AGAP1: variants seen among roughly 807,000 people sequenced by gnomAD.
AGAP1 encodes arf-GAP with GTPase, ANK repeat and PH domain-containing protein 1.
AGAP1 carries 29 observed loss-of-function variants against 105.3 expected under a neutral mutation model. The observed-to-expected ratio is 0.28, with a 90% CI of 0.21 to 0.38. The LOEUF (loss-of-function observed/expected upper bound fraction) is 0.38, where lower values mean the gene tolerates loss of function less well. Ranked by LOEUF, AGAP1 falls within the 10% of genes least tolerant of loss-of-function variation. The pLI is 1.00. For synonymous variants in AGAP1, 509 were observed against 485.9 expected (o/e 1.05, Z -0.63); for missense variants, 998 against 1,165.1 (o/e 0.86, Z 2.09).
intron 16 of AGAP1, among the ~76,000 whole-genome samples, chr2:236,065,173 A>C (rs1234210020): frequency 6.6e-6 from 1 of 152,214 alleles, no homozygotes; most frequent in African/African-American, 2.4e-5. Context: ...TCTGGGTTTC[A>C]ACACAGCATT....
In AGAP1 at chr2:235,788,372, C is replaced by G. The variant is rs1302947099; in HGVS notation, c.674-9387C>G. The stretch of plus-strand genomic sequence containing the variant: ...CACCAAAAGGATAAACAGCTAGGAG[C>G]CCACTAGTAAGCCAGGATGGTGTGG... On this transcript the variant is annotated intron_variant, in intron 6 of 17. Coordinates refer to ENST00000304032, the MANE Select transcript of AGAP1 (RefSeq NM_001037131.3). The surrounding 1 kb of genome is among the most constrained non-coding windows in gnomAD (Gnocchi z 6.0). Among the ~76,000 whole-genome samples, 1 of 152,030 alleles carries G rather than the reference C, an allele frequency of 6.6e-6. No homozygotes were observed. Among genetic ancestry groups the G allele is most frequent in the Non-Finnish European group, 1.5e-5 (1 of 68,010 alleles).
rs144603082 is a variant in AGAP1 at position 235,498,608 on chromosome 2, G to C, written c.163+3759G>C. ...CTGCCTTTCTTGTTCAATAAAGCTT[G>C]TTCTTCTTTCAAGGATAAAGCCTCT... On this transcript the variant is annotated intron_variant, in intron 1 of 17. Coordinates refer to ENST00000304032, the MANE Select transcript of AGAP1 (RefSeq NM_001037131.3). Among the ~76,000 whole-genome samples the C allele has an allele frequency of 5.1e-3, 779 of 152,326 alleles. 6 individuals carry two copies. The highest frequency in any genetic ancestry group is 0.017 in the African/African-American group (722 of 41,572).
At chr2:236,098,881 C>T (rs1429054220) in intron 16 of AGAP1, among the ~76,000 whole-genome samples, 10 of 151,400 alleles carry the variant, frequency 6.6e-5, no homozygotes, top group Admixed American at 1.3e-4. Context: ...TCTTAGCCTC[C>T]CCAAGTGCTG....
rs545929707 is a variant in AGAP1 at position 236,021,981 on chromosome 2, C to T, written c.1646-14580C>T. ...GGCTGAGGTGGGAGAAGCGCTTGAG[C>T]CCAGGAGGTGGAGGTTGCAGTGAGC... On this transcript the variant is annotated intron_variant, in intron 13 of 17. Coordinates refer to ENST00000304032, the MANE Select transcript of AGAP1 (RefSeq NM_001037131.3). Among the ~76,000 whole-genome samples the T allele has an allele frequency of 6.7e-5, 10 of 149,690 alleles. No homozygotes were observed. The South Asian group carries it at 1.9e-3, about 29-fold the overall frequency.
At chr2:235,808,261 G>C (rs1232836137) in intron 9 of AGAP1, among the ~76,000 whole-genome samples, 18 of 152,214 alleles carry the variant, frequency 1.2e-4, no homozygotes, top group Admixed American at 1.2e-3. Context: ...TGTGACCGGT[G>C]TGCACCTCCG....
At chr2:235,594,566 G>C (rs1432691057) in intron 1 of AGAP1, among the ~76,000 whole-genome samples, 1 of 151,942 alleles carries the variant, frequency 6.6e-6, no homozygotes, top group African/African-American at 2.4e-5. Flanking sequence ...AATATGATGC[G>C]GAGTTTTCCA....
At position 235,808,425 on chromosome 2, in the gene AGAP1, T is replaced by C. The variant is rs539444714; in HGVS notation, c.1050+1094T>C. ...ATTCTGGTGGTGCAGGTTTCGTCCA[T>C]TTGAAGCAAATAGGAACGCAGCCTT... is the stretch of plus-strand genomic sequence containing the variant. On this transcript the variant is annotated intron_variant, in intron 9 of 17. Transcript: ENST00000304032. Among the ~76,000 whole-genome samples the C allele has an allele frequency of 3.3e-5, 5 of 152,302 alleles. No homozygotes were observed. In the East Asian group the frequency reaches 9.7e-4, roughly 29 times the overall value.
intron 1 of AGAP1, among the ~76,000 whole-genome samples, chr2:235,528,338 G>A (rs1444126947): frequency 6.6e-6 from 1 of 151,616 alleles, no homozygotes; most frequent in Non-Finnish European, 1.5e-5. Context: ...CACCATCTGT[G>A]CACTCAGGCC....
intron 11 of AGAP1, among the ~76,000 whole-genome samples, chr2:235,921,066 CAGAA>C (rs1159200568): frequency 6.6e-6 from 1 of 152,112 alleles, no homozygotes; most frequent in African/African-American, 2.4e-5. Flanking sequence ...TATCATGAAT[CAGAA>C]AGATATATTA....
At chr2:235,884,568 G>A (rs1442097731) in intron 10 of AGAP1, among the ~76,000 whole-genome samples, 8 of 148,888 alleles carry the variant, frequency 5.4e-5, no homozygotes, top group Non-Finnish European at 1.2e-4. Flanking sequence ...CTCCTGCCTT[G>A]GCCTCCCAAA....
At chr2:235,839,854 T>C (rs1167175388) in intron 9 of AGAP1, among the ~76,000 whole-genome samples, 1 of 152,218 alleles carries the variant, frequency 6.6e-6, no homozygotes, top group African/African-American at 2.4e-5. Context: ...GACATTTTGG[T>C]AGCCTGATTT....
chr2:235,937,853 G>A (rs2053065733), intron 12 of AGAP1, among the ~76,000 whole-genome samples: 1 of 152,258 alleles, frequency 6.6e-6, no homozygotes, highest in African/African-American at 2.4e-5. Context: ...ACAGCCAAGA[G>A]TTATTCAGCC....
At chr2:235,707,964 A>G (rs1043900092) in intron 1 of AGAP1, among the ~76,000 whole-genome samples, 2 of 151,666 alleles carry the variant, frequency 1.3e-5, no homozygotes, top group Admixed American at 6.6e-5. Context: ...CGTGCTCCCC[A>G]TCGTGTGACC....
At chr2:235,834,149 G>A (rs1230897116) in intron 9 of AGAP1, among the ~76,000 whole-genome samples, 1 of 152,166 alleles carries the variant, frequency 6.6e-6, no homozygotes, top group Non-Finnish European at 1.5e-5. Flanking sequence ...TTCTCAGCGT[G>A]ATCACCGTGG....
rs577640814 is a variant in AGAP1, at chr2:235,705,047, C to T, written c.164-4132C>T. 2.3e-5 allele frequency among the ~76,000 whole-genome samples: 3 copies of T among 133,254 alleles called. No homozygotes were observed. Among genetic ancestry groups the T allele is most frequent in the African/African-American group, 5.7e-5 (2 of 35,076 alleles). 87.4% of individuals were successfully genotyped at this position (133,254 alleles called of 152,430 possible). A position where few individuals can be genotyped will look rare whatever the true frequency, so the allele number is the denominator to read the frequency against. On this transcript the variant is annotated intron_variant, in intron 1 of 17. Coordinates refer to ENST00000304032, the MANE Select transcript of AGAP1 (RefSeq NM_001037131.3). The surrounding 1 kb of genome is among the most constrained non-coding windows in gnomAD (Gnocchi z 4.9). ...AGGCTGGAGTGCAATGGTGGGATCT[C>T]GGCTCGCTGCAACCTCTACCTCCCG...
At chr2:235,772,313 G>A (rs983997330) in intron 6 of AGAP1, among the ~76,000 whole-genome samples, 3 of 152,052 alleles carry the variant, frequency 2.0e-5, no homozygotes, top group Non-Finnish European at 2.9e-5. Flanking sequence ...TTATAATCCC[G>A]CTAATGACAA....
chr2:236,033,700 C>T (rs928645668), intron 13 of AGAP1, among the ~76,000 whole-genome samples: 5 of 152,228 alleles, frequency 3.3e-5, no homozygotes, highest in South Asian at 4.1e-4. Context: ...GTGCCTAGCA[C>T]GTTGGGGAGG....
rs900302572 is a variant in AGAP1 at position 236,101,946 on chromosome 2, T to G, written c.2115-18246T>G. Among the ~76,000 whole-genome samples, 10 of 152,210 alleles carry G rather than the reference T, an allele frequency of 6.6e-5. No individual in the cohort carries two copies. The highest frequency in any genetic ancestry group is 2.4e-4 in the African/African-American group (10 of 41,468). ...TAGCTATGTTTCTGTGCAAACATACTCACACACAGTTTCCAAATGAAGTCA... is the reference window on the plus strand; with the variant it reads ...TAGCTATGTTTCTGTGCAAACATACGCACACACAGTTTCCAAATGAAGTCA... On this transcript the variant is annotated intron_variant, in intron 16 of 17. Coordinates refer to ENST00000304032, the MANE Select transcript of AGAP1 (RefSeq NM_001037131.3). This position sits in a 1 kb window ranked among gnomAD's most constrained non-coding sequence, Gnocchi z 4.9.
At chr2:236,112,452 T>C (rs1259371886) in intron 16 of AGAP1, among the ~76,000 whole-genome samples, 1 of 151,400 alleles carries the variant, frequency 6.6e-6, no homozygotes, top group Non-Finnish European at 1.5e-5. Flanking sequence ...AAGCTCTCTC[T>C]CCCCACAACC....
Sources: gnomAD v4.1 joint callset for allele counts (sites outside exome capture counted in the v4.1 genomes callset) on GRCh38, gnomAD v4.1.1 for gene constraint, Gnocchi (gnomAD v3.1) non-coding constraint, MANE v1.5 for transcripts, NCBI Gene and HGNC (gene_info 2026-07-23, HGNC 2026-07-21) for gene names.